RPAP3: variants seen among roughly 807,000 people sequenced by gnomAD.
RPAP3 encodes the protein RNA polymerase II-associated protein 3.
In RPAP3, 58 loss-of-function variants were observed where a neutral mutation model predicts 88.8. The observed-to-expected ratio is 0.65, with a 90% CI of 0.53 to 0.81. The LOEUF (loss-of-function observed/expected upper bound fraction) is 0.81, where lower values mean the gene tolerates loss of function less well. Ranked by LOEUF, RPAP3 falls within the 40% of genes least tolerant of loss-of-function variation. The pLI is 0.00. For synonymous variants in RPAP3, 255 were observed against 259.9 expected, an observed-to-expected ratio of 0.98 and a Z score of 0.18; for missense variants, 751 against 764.3, an observed-to-expected ratio of 0.98 and a Z score of 0.20.
chr12:47,697,951 G>C (rs1340691201), intron 3 of RPAP3, among the ~76,000 whole-genome samples: 1 of 152,022 alleles, frequency 6.6e-6, no homozygotes, highest in Non-Finnish European at 1.5e-5. Context: ...AACTCATAAA[G>C]CTAAGTCAAC....
chr12:47,701,678 A>C (rs1233228722), intron 2 of RPAP3, 74 bp from the exon 3 acceptor site: 6 of 1,171,054 alleles, frequency 5.1e-6, no homozygotes, highest in Non-Finnish European at 6.8e-6. Context: ...GCTATGTTTA[A>C]AATTCTCACT....
chr12:47,697,217 A>G (rs1197341614), intron 4 of RPAP3, among the ~76,000 whole-genome samples: 1 of 152,240 alleles, frequency 6.6e-6, no homozygotes, highest in Non-Finnish European at 1.5e-5. Flanking sequence ...TTACGCCAAG[A>G]ATCACACACT....
rs777286511 is a variant in RPAP3, at chr12:47,670,277, G to A, written c.1356C>T (p.Ser452=). ...TATTCTCTGGAGCAGCAGCAGTAGT[G>A]CTATCTGGCACATCAATAGTCTGTA... ...NLIQTIDVPD[S]TTAAAPENNP... is the part of the protein sequence containing the mutation. The change falls in exon 13 of 17, where the codon AGC becomes AGT. Residue 452 remains serine, a synonymous_variant. Coordinates refer to ENST00000005386, the MANE Select transcript of RPAP3 (RefSeq NM_024604.3). 7.4e-6 allele frequency: 12 copies of A among 1,613,418 alleles called. No homozygotes were observed. The South Asian group carries it at 1.3e-4, about 18-fold the overall frequency.
At chr12:47,700,432 C>G (rs1360395447) in intron 3 of RPAP3, among the ~76,000 whole-genome samples, 1 of 152,162 alleles carries the variant, frequency 6.6e-6, no homozygotes, top group Non-Finnish European at 1.5e-5. Context: ...ACATACATCT[C>G]TACATATTCT....
intron 16 of RPAP3, among the ~76,000 whole-genome samples, chr12:47,666,653 G>A (rs779219782): frequency 1.9e-4 from 29 of 152,148 alleles, no homozygotes; most frequent in Non-Finnish European, 2.4e-4. Flanking sequence ...TGGACTGCCT[G>A]GGTTCGAATC....
intron 9 of RPAP3, among the ~76,000 whole-genome samples, chr12:47,685,287 G>A (rs1462783865): frequency 6.6e-6 from 1 of 151,542 alleles, no homozygotes; most frequent in East Asian, 1.9e-4. Context: ...GTTGAGGCAG[G>A]AGAATTGCTT....
Position 47,697,740 on chromosome 12 carries a change from AC to A in RPAP3, c.295-22del, listed in dbSNP as rs778127632. The A allele has an allele frequency of 3.2e-5, 44 of 1,362,924 alleles. No individual in the cohort carries two copies. In the African/African-American group the frequency reaches 6.2e-4, roughly 19 times the overall value. The allele number at this position is 1,362,924 out of a possible 1,614,324, so 84.4% of individuals were successfully genotyped here. On this transcript the variant is annotated intron_variant, in intron 3 of 16. Transcript: ENST00000005386. ...CGGTCCTAAAATCAAAAGACGGAAA[AC>A]AGGGGTCATAATTATATGATTAGGA...
At chr12:47,685,121 G>A (rs1460064163) in intron 9 of RPAP3, among the ~76,000 whole-genome samples, 2 of 152,190 alleles carry the variant, frequency 1.3e-5, no homozygotes, top group Admixed American at 6.5e-5. Flanking sequence ...GCTCCTGCCT[G>A]TAATCCCAGC....
At chr12:47,698,209 A>G (rs1939575698) in intron 3 of RPAP3, among the ~76,000 whole-genome samples, 1 of 152,212 alleles carries the variant, frequency 6.6e-6, no homozygotes, top group African/African-American at 2.4e-5. Flanking sequence ...AGGTATAATT[A>G]CCCATGTTTT....
At chr12:47,692,778 C>T (rs1373077657) in intron 5 of RPAP3, among the ~76,000 whole-genome samples, 1 of 152,200 alleles carries the variant, frequency 6.6e-6, no homozygotes, top group Admixed American at 6.5e-5. Context: ...TTCGACATGC[C>T]GTCCTCACTA....
chr12:47,664,343 T>C (rs1938822560), intron 16 of RPAP3, among the ~76,000 whole-genome samples: 1 of 152,098 alleles, frequency 6.6e-6, no homozygotes, highest in African/African-American at 2.4e-5. Flanking sequence ...TGAGCTGAGA[T>C]CGAGCCACTG....
At chr12:47,697,742 AGGG>A in intron 3 of RPAP3, 23 bp from the exon 4 acceptor site, 1 of 1,338,452 alleles carries the variant, frequency 7.5e-7, no homozygotes, top group Non-Finnish European at 1.0e-6. Context: ...GACGGAAAAC[AGGG>A]GTCATAATTA....
rs1939186415 is a variant in RPAP3 at position 47,679,730 on chromosome 12, C to CTGCT, written c.1155_1158dup (p.Val387SerfsTer4). On this transcript the variant is annotated frameshift_variant, in exon 11 of 17. Transcript: ENST00000005386. LOFTEE classifies it high-confidence loss of function. ...TTTTTAATTTTGGAGAGTTCAGTTA[C>CTGCT]TGCTTGCTTATTTCCAGGTTCCAGA... The CTGCT allele has an allele frequency of 6.2e-7, 1 of 1,606,964 alleles. No homozygotes were observed. The highest frequency in any genetic ancestry group is 8.5e-7 in the Non-Finnish European group (1 of 1,176,212).
Position 47,690,592 on chromosome 12 carries a change from C to G in RPAP3, c.593G>C (p.Arg198Thr), listed in dbSNP as rs775177297. 21 of 1,589,974 alleles carry G rather than the reference C, an allele frequency of 1.3e-5. No homozygotes were observed. Among genetic ancestry groups the G allele is most frequent in the Non-Finnish European group, 1.7e-5 (20 of 1,166,038 alleles). Residue 198 changes from arginine (R) to threonine (T), a missense_variant, in exon 6 of 17, where the codon AGA becomes ACA. Transcript: ENST00000005386. ...TCTGGAATAAGCCTTTGTATAACTT[C>G]TATTCAAGGCAACTGCTAAATTACA... is the stretch of plus-strand genomic sequence containing the variant. Reference protein sequence around the residue: ...SDCNLAVALNRSYTKAYSRRG... With the variant: ...SDCNLAVALNTSYTKAYSRRG...
At chr12:47,689,576 T>C (rs769899957) in intron 6 of RPAP3, among the ~76,000 whole-genome samples, 7 of 152,182 alleles carry the variant, frequency 4.6e-5, no homozygotes, top group Admixed American at 1.3e-4. Flanking sequence ...TGGCCTCAAG[T>C]AGTCTTCCCA....
chr12:47,665,928 T>TA (rs1462156079), intron 16 of RPAP3, among the ~76,000 whole-genome samples: 3 of 152,084 alleles, frequency 2.0e-5, no homozygotes, highest in African/African-American at 4.8e-5. Flanking sequence ...ATGCCTGGCC[T>TA]AAAAAATATA....
At chr12:47,677,999 T>C (rs183476421) in intron 12 of RPAP3, among the ~76,000 whole-genome samples, 133 of 152,268 alleles carry the variant, frequency 8.7e-4, no homozygotes, top group African/African-American at 3.1e-3. Flanking sequence ...CCTCAAACTA[T>C]ACTAGAAGAC....
chr12:47,701,351 G>T, intron 3 of RPAP3, 113 bp downstream of exon 3: 1 of 644,358 alleles, frequency 1.6e-6, no homozygotes, highest in Non-Finnish European at 2.4e-6. Context: ...TCATGAATAA[G>T]AGAAAAACAC....
At chr12:47,681,573 G>A (rs1939223303) in intron 10 of RPAP3, 123 bp downstream of exon 10, 1 of 984,104 alleles carries the variant, frequency 1.0e-6, no homozygotes, top group Admixed American at 3.1e-5. Flanking sequence ...TCTAAACTGT[G>A]GAAAGAAAAC....
Sources: gnomAD v4.1 joint callset for allele counts (sites outside exome capture counted in the v4.1 genomes callset) on GRCh38, gnomAD v4.1.1 for gene constraint, MANE v1.5 for transcripts, NCBI Gene and HGNC (gene_info 2026-07-23, HGNC 2026-07-21) for gene names.